Variants in FRMD4A observed in about 807,000 individuals in gnomAD.
FRMD4A encodes the protein FERM domain-containing protein 4A.
FRMD4A carries 29 observed loss-of-function variants against 129.1 expected under a neutral mutation model. The ratio of observed to expected loss-of-function variants is 0.22; its 90% CI spans 0.17 to 0.31. The LOEUF (loss-of-function observed/expected upper bound fraction) is 0.31. Ranked by LOEUF, FRMD4A falls within the 10% of genes least tolerant of loss-of-function variation. The probability of loss-of-function intolerance (pLI) is 1.00; values close to 1 mark genes in which losing one functional copy is unlikely to be tolerated. For missense variants in FRMD4A, 1,272 were observed against 1,375.8 expected, an observed-to-expected ratio of 0.92 and a Z score of 1.19; for synonymous variants, 634 against 571.6, an observed-to-expected ratio of 1.11 and a Z score of -1.56.
intron 3 of FRMD4A, among the ~76,000 whole-genome samples, chr10:13,835,738 T>G (rs1484783182): frequency 1.3e-5 from 2 of 152,136 alleles, no homozygotes; most frequent in African/African-American, 4.8e-5. Flanking sequence ...TGATAGGACA[T>G]TATGGTAAGT....
chr10:14,125,738 C>T (rs1838797040), intron 2 of FRMD4A, among the ~76,000 whole-genome samples: 1 of 145,540 alleles, frequency 6.9e-6, no homozygotes, highest in South Asian at 2.3e-4. Context: ...CACACACACA[C>T]ACGTGCACAC....
rs12416521 is a variant in FRMD4A at position 13,870,323 on chromosome 10, C to T, written c.46-11411G>A. ...GCTCTCTGACATCGGCCTCACCTCA[C>T]CAGATCCCTTTTTTTCAAATACTCT... On this transcript the variant is annotated intron_variant, in intron 2 of 24. Coordinates refer to ENST00000357447, the MANE Select transcript of FRMD4A (RefSeq NM_018027.5). Among the ~76,000 whole-genome samples the T allele has an allele frequency of 9.1e-3, 1,391 of 152,350 alleles. 50 individuals are homozygous for T. Among genetic ancestry groups the T allele is most frequent in the Admixed American group, 0.057 (878 of 15,310 alleles).
At chr10:13,884,237 CACA>C in intron 2 of FRMD4A, among the ~76,000 whole-genome samples, 6 of 149,622 alleles carry the variant, frequency 4.0e-5, no homozygotes, top group African/African-American at 1.2e-4. Flanking sequence ...CACACACACA[CACA>C]CTCCCTAAAA....
intron 2 of FRMD4A, among the ~76,000 whole-genome samples, chr10:13,977,920 C>T (rs745880356): frequency 3.9e-5 from 6 of 152,210 alleles, no homozygotes; most frequent in Non-Finnish European, 5.9e-5. Flanking sequence ...GTTGTTCCCA[C>T]TCTCTGGCTA....
intron 12 of FRMD4A, among the ~76,000 whole-genome samples, chr10:13,718,026 G>A (rs990003217): frequency 2.0e-5 from 3 of 152,252 alleles, no homozygotes; most frequent in African/African-American, 7.2e-5. Flanking sequence ...GGGCTTTGGC[G>A]TTTGGGAATA....
intron 2 of FRMD4A, among the ~76,000 whole-genome samples, chr10:13,964,839 T>C (rs370311589): frequency 6.6e-6 from 1 of 151,940 alleles, no homozygotes; most frequent in Non-Finnish European, 1.5e-5. Flanking sequence ...CAGGTGCCCA[T>C]CACAGCCAGC....
At chr10:14,183,996 A>C (rs1841991577) in intron 2 of FRMD4A, among the ~76,000 whole-genome samples, 1 of 152,164 alleles carries the variant, frequency 6.6e-6, no homozygotes, top group Non-Finnish European at 1.5e-5. Flanking sequence ...TTAATTTGAA[A>C]ACTTTGCTAT....
chr10:14,034,458 A>G lies in FRMD4A; in HGVS notation c.46-175546T>C, dbSNP rs367682816. On this transcript the variant is annotated intron_variant, in intron 2 of 24. Transcript: ENST00000357447. The stretch of plus-strand genomic sequence containing the variant: ...AAGAACAGCTGGCTGTGGAACAGCC[A>G]TGGGAGGATGTCTCTTGCCCTTTAA... 3.9e-5 allele frequency among the ~76,000 whole-genome samples: 6 copies of G among 152,310 alleles called. No individual in the cohort carries two copies. In the East Asian group the frequency reaches 5.8e-4, roughly 15 times the overall value.
Position 13,656,942 on chromosome 10 carries a change from A to G in FRMD4A, c.2647T>C (p.Trp883Arg), listed in dbSNP as rs1474377219. ...CCCTCGTCGCCGCCGCCGCCGCGCC[A>G]GCTCTCCTTGAACAGGCCGCCCGCC... ...YTAGGLFKES[W>R]RGGGGDEGDT... is the part of the protein sequence containing the mutation. The change falls in exon 22 of 25, where the codon TGG becomes CGG. Residue 883 changes from tryptophan (W) to arginine (R), a missense_variant. Physicochemically the swap from Trp to Arg is moderately radical, Grantham distance 101. Around this residue, in one of 2 missense-constraint regions of FRMD4A, gnomAD observed 972 missense variants for 892.3 expected, o/e 1.09. Transcript: ENST00000357447. The G allele has an allele frequency of 1.3e-6, 2 of 1,522,312 alleles. No individual in the cohort carries two copies. Among genetic ancestry groups the G allele is most frequent in the South Asian group, 1.2e-5 (1 of 83,664 alleles). The allele number at this position is 1,522,312 out of a possible 1,614,324, so 94.3% of individuals were successfully genotyped here. A position where few individuals can be genotyped will look rare whatever the true frequency, so the allele number is the denominator to read the frequency against.
chr10:14,020,079 T>C (rs1832671514), intron 2 of FRMD4A, among the ~76,000 whole-genome samples: 2 of 152,194 alleles, frequency 1.3e-5, no homozygotes, highest in African/African-American at 4.8e-5. Context: ...CTGCCAACAC[T>C]TCTGGAGCTT....
chr10:13,693,945 C>G lies in FRMD4A; in HGVS notation c.1070G>C (p.Ser357Thr). 3 of 1,604,398 alleles carry G rather than the reference C, an allele frequency of 1.9e-6. No homozygotes were observed. Among genetic ancestry groups the G allele is most frequent in the Non-Finnish European group, 2.5e-6 (3 of 1,176,646 alleles). Residue 357 changes from serine (S) to threonine (T), a missense_variant, in exon 15 of 25, where the codon AGC (serine) becomes ACC (threonine). By Grantham distance (58) the Ser-to-Thr change is moderately conservative. This residue lies in a region of FRMD4A where 300 missense variants were observed against 483.6 expected (regional missense o/e 0.62). Transcript: ENST00000357447. ...GCTGCCGCTGATGATCTTCCCCTTG[C>G]TACCCATGTTGGCCAGCTTCGAGGT... Reference protein sequence around the residue: ...LKTSKLANMGSKGKIISGSSG... With the variant: ...LKTSKLANMGTKGKIISGSSG...
chr10:13,688,408 G>GC (rs2085312290), intron 15 of FRMD4A, among the ~76,000 whole-genome samples: 1 of 152,096 alleles, frequency 6.6e-6, no homozygotes, highest in Non-Finnish European at 1.5e-5. Flanking sequence ...GTGGGGGACA[G>GC]GGGGAGGGAT....
intron 21 of FRMD4A, 118 bp downstream of exon 21, chr10:13,659,205 A>G (rs990334338): frequency 1.1e-6 from 1 of 938,576 alleles, no homozygotes; most frequent in Non-Finnish European, 1.7e-6. Context: ...CGCTTCATTT[A>G]TCCTCCCAGG....
chr10:13,962,247 A>C (rs951701739), intron 2 of FRMD4A, among the ~76,000 whole-genome samples: 3 of 152,152 alleles, frequency 2.0e-5, no homozygotes, highest in Non-Finnish European at 2.9e-5. Flanking sequence ...GGCTGTTGAG[A>C]TCTCTCCCCA....
rs547330949 is a variant in FRMD4A, at chr10:14,325,127, A to C, written c.45+4931T>G. Among the ~76,000 whole-genome samples, 3 of 152,350 alleles carry C rather than the reference A, an allele frequency of 2.0e-5. No homozygotes were observed. The South Asian group carries it at 6.2e-4, about 32-fold the overall frequency. ...TGCAAACGCACTTTGAAAAACATAG[A>C]GATTATTAATGTAAGAGCAAGAGTC... On this transcript the variant is annotated intron_variant, in intron 2 of 24. Coordinates refer to ENST00000357447, the MANE Select transcript of FRMD4A (RefSeq NM_018027.5).
At chr10:14,247,591 G>A (rs1051078893) in intron 2 of FRMD4A, among the ~76,000 whole-genome samples, 37 of 152,050 alleles carry the variant, frequency 2.4e-4, no homozygotes, top group African/African-American at 8.0e-4. Context: ...GTGGCCCAAA[G>A]ATCCATATGT....
At chr10:13,876,950 G>C (rs1589129505) in intron 2 of FRMD4A, among the ~76,000 whole-genome samples, 2 of 151,950 alleles carry the variant, frequency 1.3e-5, no homozygotes, top group Non-Finnish European at 2.9e-5. Context: ...TGCCCCAAAA[G>C]CCAGTCTCAG....
intron 2 of FRMD4A, among the ~76,000 whole-genome samples, chr10:13,921,270 C>CTCTTTCTTTCTT (rs1554970491): frequency 1.6e-4 from 23 of 148,182 alleles, no homozygotes; most frequent in East Asian, 4.0e-4. Flanking sequence ...CTCTCTTTCT[C>CTCTTTCTTTCTT]TCTTTCTTTC....
At chr10:13,919,664 G>A (rs914060618) in intron 2 of FRMD4A, among the ~76,000 whole-genome samples, 5 of 151,932 alleles carry the variant, frequency 3.3e-5, no homozygotes, top group Admixed American at 1.3e-4. Flanking sequence ...AAGGCCAGTC[G>A]CGGTGGCTGA....
Sources: allele counts gnomAD v4.1 joint callset (sites outside exome capture counted in the v4.1 genomes callset), GRCh38; gene constraint gnomAD v4.1.1; regional missense constraint gnomAD v4.1.1; transcripts MANE v1.5; gene names NCBI Gene and HGNC (gene_info 2026-07-23, HGNC 2026-07-21).